The following POFUT3 variants were observed in gnomAD, a reference collection of about 807,000 sequenced individuals.
POFUT3 encodes GDP-fucose protein O-fucosyltransferase 3.
chr8:33,449,738 A>G, the POFUT3 span, among the ~76,000 whole-genome samples: 1 of 151,966 alleles, frequency 6.6e-6, no homozygotes, highest in Admixed American at 6.6e-5. Flanking sequence ...TCCCTTACCC[A>G]GAACTAAGCT....
At chr8:33,400,432 G>A in the POFUT3 span, among the ~76,000 whole-genome samples, 1 of 151,848 alleles carries the variant, frequency 6.6e-6, no homozygotes, top group Admixed American at 6.6e-5. Context: ...CAGCCTGGGT[G>A]ACAAAGTGAA....
At chr8:33,377,095 G>A in the POFUT3 span, among the ~76,000 whole-genome samples, 1 of 152,132 alleles carries the variant, frequency 6.6e-6, no homozygotes, top group East Asian at 1.9e-4. Flanking sequence ...AGCTGGGCAT[G>A]GTGGCATATG....
At chr8:33,428,475 C>A in the POFUT3 span, among the ~76,000 whole-genome samples, 1 of 152,188 alleles carries the variant, frequency 6.6e-6, no homozygotes. Context: ...CTGCAATAGT[C>A]CTATTCTCCC....
chr8:33,381,697 T>G, the POFUT3 span, among the ~76,000 whole-genome samples: 2 of 152,156 alleles, frequency 1.3e-5, no homozygotes, highest in African/African-American at 4.8e-5. Context: ...GCGTGGTAGT[T>G]AATGGAATCT....
chr8:33,347,000 G>C, the POFUT3 span, among the ~76,000 whole-genome samples: 1 of 152,186 alleles, frequency 6.6e-6, no homozygotes, highest in Non-Finnish European at 1.5e-5. Context: ...ATTGGCATTT[G>C]TTAGGAATAT....
At chr8:33,318,755 AATATATTGTAT>A in the POFUT3 span, among the ~76,000 whole-genome samples, 1,394 of 48,172 alleles carry the variant, frequency 0.029, 67 homozygotes, top group East Asian at 0.065. Flanking sequence ...ATAATATATA[AATATATTGTAT>A]ATATATTTTA....
the POFUT3 span, among the ~76,000 whole-genome samples, chr8:33,425,932 C>T: frequency 2.6e-5 from 4 of 151,074 alleles, no homozygotes; most frequent in Middle Eastern, 3.4e-3. Context: ...TTAGTGAATT[C>T]ACTCTTGTTG....
At chr8:33,436,324 C>T in the POFUT3 span, 1 of 1,327,890 alleles carries the variant, frequency 7.5e-7, no homozygotes, top group Non-Finnish European at 1.1e-6. Flanking sequence ...ATGGTCTCCA[C>T]TGCATCCTCT....
the POFUT3 span, chr8:33,455,868 T>C: frequency 2.2e-6 from 1 of 453,466 alleles, no homozygotes; most frequent in Non-Finnish European, 4.4e-6. Context: ...CCCGTGACTT[T>C]CATTAGATTC....
At chr8:33,365,518 A>T in the POFUT3 span, among the ~76,000 whole-genome samples, 1 of 152,238 alleles carries the variant, frequency 6.6e-6, no homozygotes, top group African/African-American at 2.4e-5. Flanking sequence ...CTTCTGACAA[A>T]GGGCGAATAT....
chr8:33,384,428 T>C, the POFUT3 span, among the ~76,000 whole-genome samples: 7 of 152,162 alleles, frequency 4.6e-5, no homozygotes, highest in African/African-American at 1.7e-4. Flanking sequence ...GGAATAGCAA[T>C]TAGTCCTTGC....
chr8:33,467,888 G>C, the POFUT3 span, among the ~76,000 whole-genome samples: 134 of 152,214 alleles, frequency 8.8e-4, no homozygotes, highest in African/African-American at 3.0e-3. Flanking sequence ...TCTTTCCTGC[G>C]TGTCTGACTG....
the POFUT3 span, among the ~76,000 whole-genome samples, chr8:33,396,607 A>G: frequency 6.6e-6 from 1 of 152,186 alleles, no homozygotes; most frequent in Non-Finnish European, 1.5e-5. Flanking sequence ...CAAGCCTTTT[A>G]TTTAAGAAGG....
chr8:33,349,835 T>C, the POFUT3 span, among the ~76,000 whole-genome samples: 1 of 152,208 alleles, frequency 6.6e-6, no homozygotes, highest in Non-Finnish European at 1.5e-5. Context: ...TAGATCTACT[T>C]TCAGTTCTTT....
At chr8:33,318,714 T>A in the POFUT3 span, among the ~76,000 whole-genome samples, 5 of 80,584 alleles carry the variant, frequency 6.2e-5, 1 homozygote, top group African/African-American at 2.6e-4. Flanking sequence ...AATATATAAA[T>A]ATATTGTATA....
chr8:33,407,778 AG>A, the POFUT3 span, among the ~76,000 whole-genome samples: 2 of 152,076 alleles, frequency 1.3e-5, no homozygotes, highest in African/African-American at 4.8e-5. Flanking sequence ...CGAGGCAGGC[AG>A]ATCACCTGAG....
At chr8:33,389,421 G>A in the POFUT3 span, 1 of 1,614,180 alleles carries the variant, frequency 6.2e-7, no homozygotes, top group South Asian at 1.1e-5. Context: ...TGCTGAGGGA[G>A]GTCTTTGTTT....
the POFUT3 span, chr8:33,453,369 T>A: frequency 6.2e-7 from 1 of 1,614,204 alleles, no homozygotes; most frequent in Admixed American, 1.7e-5. Context: ...AATTCCCATT[T>A]TCTTTTCCTG....
the POFUT3 span, among the ~76,000 whole-genome samples, chr8:33,411,510 C>T: frequency 2.0e-5 from 3 of 152,258 alleles, no homozygotes; most frequent in African/African-American, 4.8e-5. Flanking sequence ...CAATATGGGC[C>T]GGGCGCCATG....
Sources: gnomAD v4.1 joint callset for allele counts (sites outside exome capture counted in the v4.1 genomes callset) on GRCh38, gnomAD v4.1.1 for gene constraint, MANE v1.5 for transcripts, NCBI Gene and HGNC (gene_info 2026-07-23, HGNC 2026-07-21) for gene names.